ASIC2: variants seen among roughly 807,000 people sequenced by gnomAD.
ASIC2 encodes acid sensing ion channel subunit 2, also known as acid-sensing ion channel 2.
ASIC2 carries 25 observed loss-of-function variants against 57.3 expected under a neutral mutation model. That is an observed-to-expected ratio of 0.44 (90% CI 0.32 to 0.61). The LOEUF is 0.61. Ranked by LOEUF, ASIC2 falls within the 20% of genes least tolerant of loss-of-function variation. ASIC2 has a pLI of 0.06. For missense variants in ASIC2, 641 were observed against 738.1 expected (o/e 0.87, Z 1.52); for synonymous variants, 319 against 307.5 (o/e 1.04, Z -0.39).
At chr17:33,480,695 G>A (rs1193230012) in intron 1 of ASIC2, among the ~76,000 whole-genome samples, 1 of 152,054 alleles carries the variant, frequency 6.6e-6, no homozygotes, top group Non-Finnish European at 1.5e-5. Flanking sequence ...GGAGAGTTTA[G>A]GCATCTGATT....
chr17:33,415,813 A>T (rs142380410), intron 1 of ASIC2, among the ~76,000 whole-genome samples: 115 of 152,346 alleles, frequency 7.5e-4, no homozygotes, highest in African/African-American at 2.6e-3. Flanking sequence ...TGATGCTGAG[A>T]TGCTGCAGTT....
At chr17:33,410,385 T>C (rs578213312) in intron 1 of ASIC2, among the ~76,000 whole-genome samples, 2 of 152,298 alleles carry the variant, frequency 1.3e-5, no homozygotes, top group African/African-American at 4.8e-5. Flanking sequence ...GAAGAACATA[T>C]CAATTGCAAG....
intron 1 of ASIC2, among the ~76,000 whole-genome samples, chr17:33,818,730 A>G (rs1024887735): frequency 3.9e-5 from 6 of 152,206 alleles, no homozygotes; most frequent in African/African-American, 1.2e-4. Context: ...GAAACCCTAG[A>G]TGATGTTTTA....
chr17:33,502,248 C>T (rs1359484966), intron 1 of ASIC2, among the ~76,000 whole-genome samples: 2 of 152,124 alleles, frequency 1.3e-5, no homozygotes, highest in Non-Finnish European at 2.9e-5. Context: ...TCCCACAAAA[C>T]AGGGTGGTGG....
chr17:33,271,213 C>G (rs1212063698), intron 1 of ASIC2, among the ~76,000 whole-genome samples: 2 of 152,066 alleles, frequency 1.3e-5, no homozygotes, highest in Non-Finnish European at 2.9e-5. Flanking sequence ...CCTTTGCCTG[C>G]TCCTTTACTT....
chr17:34,133,193 C>T (rs2142130472), intron 1 of ASIC2, among the ~76,000 whole-genome samples: 1 of 152,222 alleles, frequency 6.6e-6, no homozygotes, highest in East Asian at 1.9e-4. Flanking sequence ...TGATTGATTT[C>T]CCATTTTAGA....
chr17:33,443,405 GATTTTTTTTTT>G lies in ASIC2; in HGVS notation c.556-331349_556-331339del, dbSNP rs1488623032. On this transcript the variant is annotated intron_variant, in intron 1 of 9. Coordinates refer to the ASIC2 transcript ENST00000359872. The stretch of plus-strand genomic sequence containing the variant: ...TTTTTTTATGTATGGTGGAGGGTAA[GATTTTTTTTTT>G]TTTTTTTTTTTTTTTGAGACGGAGT... Among the ~76,000 whole-genome samples the G allele has an allele frequency of 2.0e-5, 2 of 99,480 alleles. 1 individual carries two copies. The highest frequency in any genetic ancestry group is 5.9e-4 in the East Asian group (2 of 3,376). 65.3% of individuals were successfully genotyped at this position (99,480 alleles called of 152,430 possible). A position where few individuals can be genotyped will look rare whatever the true frequency, so the allele number is the denominator to read the frequency against.
Position 33,618,040 on chromosome 17 carries a change from T to C in ASIC2, c.556-505973A>G, listed in dbSNP as rs115493579. ...TCATGCTGCACATTAGAGAGTCTAGTAGACTCCTTCTCAGACCAATAGTTG... is the reference window on the plus strand; with the variant it reads ...TCATGCTGCACATTAGAGAGTCTAGCAGACTCCTTCTCAGACCAATAGTTG... On this transcript the variant is annotated intron_variant, in intron 1 of 9. Coordinates refer to the ASIC2 transcript ENST00000359872. Among the ~76,000 whole-genome samples, 519 of 152,262 alleles carry C rather than the reference T, an allele frequency of 3.4e-3. 4 individuals are homozygous for C. Among genetic ancestry groups the C allele is most frequent in the African/African-American group, 0.012 (493 of 41,558 alleles).
chr17:33,795,994 T>C (rs982300172), intron 1 of ASIC2, among the ~76,000 whole-genome samples: 6 of 152,234 alleles, frequency 3.9e-5, no homozygotes, highest in African/African-American at 1.4e-4. Context: ...ATCAACACTG[T>C]TAAGATGAGG....
intron 1 of ASIC2, among the ~76,000 whole-genome samples, chr17:33,925,845 G>A (rs1021894821): frequency 5.9e-5 from 9 of 152,180 alleles, no homozygotes; most frequent in African/African-American, 1.2e-4. Context: ...CCAAGGCTGC[G>A]TGGGTGGCCA....
intron 1 of ASIC2, among the ~76,000 whole-genome samples, chr17:33,169,421 T>C (rs1290603930): frequency 1.3e-5 from 2 of 152,232 alleles, no homozygotes; most frequent in Non-Finnish European, 2.9e-5. Context: ...AGATTCGCTG[T>C]GAAAATTCAT....
chr17:33,915,899 C>T (rs1915573968), intron 1 of ASIC2, among the ~76,000 whole-genome samples: 1 of 152,128 alleles, frequency 6.6e-6, no homozygotes, highest in African/African-American at 2.4e-5. Context: ...GCACACCAGG[C>T]CTGAGGCCCC....
At chr17:33,428,190 AT>A (rs1159284496) in intron 1 of ASIC2, among the ~76,000 whole-genome samples, 1 of 152,106 alleles carries the variant, frequency 6.6e-6, no homozygotes, top group Non-Finnish European at 1.5e-5. Flanking sequence ...GTTTTAAGTC[AT>A]TTTTTTGGAG....
At chr17:33,063,456 A>G (rs2092029298) in intron 3 of ASIC2, among the ~76,000 whole-genome samples, 1 of 152,216 alleles carries the variant, frequency 6.6e-6, no homozygotes. Context: ...TATGGGTTGA[A>G]AATTCTTTCC....
chr17:34,078,324 C>T (rs1363965372), intron 1 of ASIC2, among the ~76,000 whole-genome samples: 3 of 152,160 alleles, frequency 2.0e-5, no homozygotes, highest in Non-Finnish European at 4.4e-5. Context: ...CCCCATAATG[C>T]CACTGCTTCC....
At chr17:33,553,734 A>T (rs1361782780) in intron 1 of ASIC2, among the ~76,000 whole-genome samples, 1 of 152,144 alleles carries the variant, frequency 6.6e-6, no homozygotes, top group Non-Finnish European at 1.5e-5. Context: ...ATTCATTCTC[A>T]CAACATTCAA....
At position 33,013,618 on chromosome 17, in the gene ASIC2, C is replaced by T. The variant is rs781635907; in HGVS notation, c.*347G>A. On this transcript the variant is annotated 3_prime_UTR_variant, in exon 10 of 10. Transcript: ENST00000225823. ...GGGCAGCAGTGTGGACACTGGAAAC[C>T]GCGTGGAGGAGTGTCATGTACAAGA... 2.9e-5 allele frequency: 8 copies of T among 276,664 alleles called. No individual in the cohort carries two copies. Among genetic ancestry groups the T allele is most frequent in the South Asian group, 1.2e-4 (2 of 16,842 alleles). 17.1% of individuals were successfully genotyped at this position (276,664 alleles called of 1,614,324 possible).
At chr17:33,262,011 A>T (rs571627760) in intron 1 of ASIC2, among the ~76,000 whole-genome samples, 1 of 152,280 alleles carries the variant, frequency 6.6e-6, no homozygotes, top group South Asian at 2.1e-4. Context: ...CAGCATCTGG[A>T]GACAGGAGTA....
intron 1 of ASIC2, among the ~76,000 whole-genome samples, chr17:33,813,637 C>T (rs149367890): frequency 0.042 from 6,369 of 152,208 alleles, 165 homozygotes; most frequent in Middle Eastern, 0.092. Context: ...GGGGTTTCAC[C>T]GTGTTAGCCA....
Sources: allele counts gnomAD v4.1 joint callset (sites outside exome capture counted in the v4.1 genomes callset), GRCh38; gene constraint gnomAD v4.1.1; transcripts MANE v1.5; gene names NCBI Gene and HGNC (gene_info 2026-07-23, HGNC 2026-07-21).